Variants in CCDC6 observed in about 807,000 individuals in gnomAD.
The protein encoded by CCDC6 is coiled-coil domain-containing protein 6.
CCDC6 carries 20 observed loss-of-function variants against 56.6 expected under a neutral mutation model. The observed-to-expected ratio is 0.35, with a 90% CI of 0.25 to 0.51. CCDC6 has a LOEUF of 0.51. Among genes scored for constraint, CCDC6 ranks in the 20% least tolerant of loss-of-function variants. CCDC6 has a pLI of 0.95. For missense variants in CCDC6, 367 were observed against 601.1 expected (o/e 0.61, Z 4.07); for synonymous variants, 241 against 234.4 (o/e 1.03, Z -0.26).
intron 2 of CCDC6, among the ~76,000 whole-genome samples, chr10:59,841,004 T>C (rs1275169354): frequency 6.6e-6 from 1 of 152,166 alleles, no homozygotes; most frequent in Non-Finnish European, 1.5e-5. Flanking sequence ...TGTAGGATCA[T>C]TTTGCTACTC....
intron 1 of CCDC6, among the ~76,000 whole-genome samples, chr10:59,879,691 A>G (rs1421970899): frequency 6.6e-6 from 1 of 152,238 alleles, no homozygotes; most frequent in East Asian, 1.9e-4. Flanking sequence ...CCAATCACAG[A>G]ATCGCTCCCA....
intron 7 of CCDC6, among the ~76,000 whole-genome samples, chr10:59,803,231 C>G (rs950850345): frequency 3.3e-5 from 5 of 152,060 alleles, no homozygotes; most frequent in African/African-American, 7.2e-5. Flanking sequence ...CATCTTTACC[C>G]CTGCCTGACA....
chr10:59,886,699 C>T (rs551928718), intron 1 of CCDC6, among the ~76,000 whole-genome samples: 2 of 152,120 alleles, frequency 1.3e-5, no homozygotes, highest in African/African-American at 4.8e-5. Flanking sequence ...AGTCAAAAGA[C>T]AATTGACAGG....
chr10:59,851,277 C>T (rs2071037096), intron 2 of CCDC6, among the ~76,000 whole-genome samples: 1 of 152,102 alleles, frequency 6.6e-6, no homozygotes, highest in Non-Finnish European at 1.5e-5. Context: ...AATGCTGCCC[C>T]AGTGAGACAT....
At chr10:59,854,331 T>C (rs2071062944) in intron 1 of CCDC6, among the ~76,000 whole-genome samples, 1 of 152,158 alleles carries the variant, frequency 6.6e-6, no homozygotes, top group Non-Finnish European at 1.5e-5. Flanking sequence ...AGAGGAGGTA[T>C]GCCAGCTTCT....
At chr10:59,848,045 T>C (rs2071008269) in intron 2 of CCDC6, among the ~76,000 whole-genome samples, 1 of 152,010 alleles carries the variant, frequency 6.6e-6, no homozygotes, top group African/African-American at 2.4e-5. Context: ...ACTAGCATTG[T>C]TTAAATGGTT....
intron 1 of CCDC6, among the ~76,000 whole-genome samples, chr10:59,862,582 CACAT>C (rs2071143446): frequency 2.7e-5 from 4 of 146,992 alleles, no homozygotes; most frequent in African/African-American, 7.8e-5. Flanking sequence ...CACACACACA[CACAT>C]ATATAAAACC....
chr10:59,827,948 A>C (rs911122883), intron 3 of CCDC6, among the ~76,000 whole-genome samples: 6 of 152,182 alleles, frequency 3.9e-5, no homozygotes, highest in African/African-American at 1.4e-4. Context: ...CACGTACCGT[A>C]TGCCACTGTT....
rs2070496114 is a variant in CCDC6 at position 59,794,464 on chromosome 10, G to A, written c.1230+9C>T. 6.2e-7 allele frequency: 1 copy of A among 1,613,754 alleles called. No homozygotes were observed. Among genetic ancestry groups the A allele is most frequent in the African/African-American group, 1.3e-5 (1 of 74,900 alleles). ...GTAAAGTGCTGCTTCCTACCCCACG[G>A]ACACTTACTGTGATACCATGGGATG... On this transcript the variant is annotated intron_variant, in intron 8 of 8. Transcript: ENST00000263102.
chr10:59,797,180 T>C (rs538561276), intron 7 of CCDC6, among the ~76,000 whole-genome samples: 2 of 152,254 alleles, frequency 1.3e-5, no homozygotes, highest in African/African-American at 4.8e-5. Flanking sequence ...TGGTTCCACT[T>C]ATATGAGGAG....
In CCDC6 at chr10:59,798,640, G is replaced by A. The variant is rs113755902; in HGVS notation, c.1106-4043C>T. On this transcript the variant is annotated intron_variant, in intron 7 of 8. Transcript: ENST00000263102. ...AGTTGTTTTCTTTAAAAAAACATTG[G>A]AGAATAAAATCCTAATTTTATTTCT... Among the ~76,000 whole-genome samples, 932 of 152,206 alleles carry A rather than the reference G, an allele frequency of 6.1e-3. 5 individuals are homozygous for A. Among genetic ancestry groups the A allele is most frequent in the Middle Eastern group, 0.014 (4 of 294 alleles).
intron 3 of CCDC6, among the ~76,000 whole-genome samples, chr10:59,828,215 T>C (rs890104545): frequency 1.3e-5 from 2 of 152,216 alleles, no homozygotes; most frequent in Admixed American, 6.5e-5. Context: ...GTGACCACGT[T>C]TGAAGAAAAA....
At chr10:59,844,888 T>C (rs1212508429) in intron 2 of CCDC6, among the ~76,000 whole-genome samples, 2 of 152,160 alleles carry the variant, frequency 1.3e-5, no homozygotes, top group Non-Finnish European at 2.9e-5. Context: ...AGCTGAGGCA[T>C]TATTGAAAAT....
intron 1 of CCDC6, among the ~76,000 whole-genome samples, chr10:59,904,133 A>C (rs1210304255): frequency 6.6e-6 from 1 of 152,222 alleles, no homozygotes; most frequent in Non-Finnish European, 1.5e-5. Context: ...AACAATGTTA[A>C]CTTTACTCAT....
At chr10:59,816,972 G>A (rs1169947543) in intron 3 of CCDC6, among the ~76,000 whole-genome samples, 1 of 152,212 alleles carries the variant, frequency 6.6e-6, no homozygotes, top group Non-Finnish European at 1.5e-5. Flanking sequence ...GGGCAAAAAG[G>A]AGGAGGTGCA....
chr10:59,852,175 G>C (rs2071045829), intron 2 of CCDC6, among the ~76,000 whole-genome samples: 1 of 152,086 alleles, frequency 6.6e-6, no homozygotes, highest in Non-Finnish European at 1.5e-5. Flanking sequence ...TAGTGCAAAA[G>C]ACCCACCTAT....
At position 59,793,120 on chromosome 10, in the gene CCDC6, G is replaced by C; in HGVS notation, c.1231-9C>G. 1 of 1,613,448 alleles carries C rather than the reference G, an allele frequency of 6.2e-7. No individual in the cohort carries two copies. ...CTCCGTGGTGAAGGCCTCTGCAGAG[G>C]GGACAGGAACAGCAAGTCAGTCTAG... On this transcript the variant is annotated splice_polypyrimidine_tract_variant and intron_variant, in intron 8 of 8. Transcript: ENST00000263102.
chr10:59,799,461 A>G (rs1291562320), intron 7 of CCDC6, among the ~76,000 whole-genome samples: 1 of 152,120 alleles, frequency 6.6e-6, no homozygotes, highest in Non-Finnish European at 1.5e-5. Flanking sequence ...TGTTACCAAG[A>G]CTTCTGCATT....
chr10:59,887,747 T>C (rs1015109247), intron 1 of CCDC6, among the ~76,000 whole-genome samples: 28 of 152,298 alleles, frequency 1.8e-4, no homozygotes, highest in African/African-American at 6.3e-4. Flanking sequence ...AAATGCGACA[T>C]TGGAATTTCC....
Sources: gnomAD v4.1 joint callset for allele counts (sites outside exome capture counted in the v4.1 genomes callset) on GRCh38, gnomAD v4.1.1 for gene constraint, MANE v1.5 for transcripts, NCBI Gene and HGNC (gene_info 2026-07-23, HGNC 2026-07-21) for gene names.